DLC1: variants seen among roughly 807,000 people sequenced by gnomAD.
DLC1 encodes DLC1 Rho GTPase activating protein.
Under a neutral mutation model 140.3 loss-of-function variants are expected in DLC1, and 54 were observed. That is an observed-to-expected ratio of 0.38 (90% CI 0.31 to 0.48). DLC1 has a LOEUF of 0.48. Among genes scored for constraint, DLC1 ranks in the 20% least tolerant of loss-of-function variants. The probability of loss-of-function intolerance (pLI) is 0.96; values close to 1 mark genes in which losing one functional copy is unlikely to be tolerated. For synonymous variants in DLC1, 986 were observed against 728.1 expected (o/e 1.35, Z -5.70); for missense variants, 2,536 against 1,907.0 (o/e 1.33, Z -6.14).
intron 2 of DLC1, among the ~76,000 whole-genome samples, chr8:13,485,190 T>C (rs1365284998): frequency 1.3e-5 from 2 of 152,218 alleles, no homozygotes; most frequent in African/African-American, 4.8e-5. Context: ...ACACTTCTAC[T>C]ATTTTCTCCT....
intron 5 of DLC1, among the ~76,000 whole-genome samples, chr8:13,218,029 C>G (rs1828293136): frequency 6.6e-6 from 1 of 152,054 alleles, no homozygotes; most frequent in African/African-American, 2.4e-5. Flanking sequence ...ATGGAGTCCT[C>G]TCTACTTGTA....
chr8:13,586,754 A>G (rs142185202), intron 1 of DLC1, among the ~76,000 whole-genome samples: 83 of 152,218 alleles, frequency 5.5e-4, no homozygotes, highest in African/African-American at 1.8e-3. Context: ...GTTGACATCA[A>G]TCCAGTCAAA....
intron 4 of DLC1, among the ~76,000 whole-genome samples, chr8:13,343,677 G>T (rs935089667): frequency 6.6e-6 from 1 of 152,134 alleles, no homozygotes. Flanking sequence ...GAGGAATGTG[G>T]ATTTAAGTCA....
At chr8:13,567,081 T>A in intron 1 of DLC1, 2 of 1,551,756 alleles carry the variant, frequency 1.3e-6, no homozygotes, top group Non-Finnish European at 1.7e-6. Flanking sequence ...ACTCTACTGA[T>A]GAGGTACAGA....
intron 5 of DLC1, among the ~76,000 whole-genome samples, chr8:13,135,895 T>C (rs1012871581): frequency 6.6e-6 from 1 of 152,242 alleles, no homozygotes; most frequent in African/African-American, 2.4e-5. Context: ...GATTATGTTA[T>C]GTAGTTTGCT....
At chr8:13,251,387 C>T (rs939839451) in intron 5 of DLC1, among the ~76,000 whole-genome samples, 8 of 151,992 alleles carry the variant, frequency 5.3e-5, no homozygotes, top group East Asian at 3.9e-4. Flanking sequence ...TTGGCAATTT[C>T]GTACTGGATT....
intron 1 of DLC1, among the ~76,000 whole-genome samples, chr8:13,568,499 AT>A (rs1295628882): frequency 7.2e-5 from 11 of 152,294 alleles, no homozygotes; most frequent in African/African-American, 2.6e-4. Context: ...GAGGTGCAAA[AT>A]AAATTGGGGT....
At chr8:13,601,527 A>G (rs925006713) in intron 1 of DLC1, among the ~76,000 whole-genome samples, 1 of 151,812 alleles carries the variant, frequency 6.6e-6, no homozygotes, top group Non-Finnish European at 1.5e-5. Flanking sequence ...CTATCATAAC[A>G]CTACTATTCA....
intron 1 of DLC1, among the ~76,000 whole-genome samples, chr8:13,585,479 A>G (rs147621246): frequency 2.6e-4 from 40 of 152,336 alleles, no homozygotes; most frequent in Non-Finnish European, 4.4e-4. Flanking sequence ...TAGCAGCCCT[A>G]TAAGCTTAAG....
chr8:13,541,846 G>A (rs1803496801), intron 1 of DLC1, among the ~76,000 whole-genome samples: 1 of 152,184 alleles, frequency 6.6e-6, no homozygotes. Flanking sequence ...ACCTCACCCA[G>A]CTGATTTATT....
At chr8:13,298,512 T>C (rs978883085) in intron 5 of DLC1, among the ~76,000 whole-genome samples, 5 of 152,216 alleles carry the variant, frequency 3.3e-5, no homozygotes, top group African/African-American at 1.2e-4. Flanking sequence ...TATATTTTAA[T>C]AGCTATTTTA....
At chr8:13,467,837 T>C (rs1014464900) in intron 2 of DLC1, among the ~76,000 whole-genome samples, 44 of 152,366 alleles carry the variant, frequency 2.9e-4, no homozygotes, top group African/African-American at 1.0e-3. Flanking sequence ...ATAAGTATTA[T>C]ACAAATTTTA....
intron 5 of DLC1, among the ~76,000 whole-genome samples, chr8:13,125,566 G>A (rs1018810245): frequency 6.6e-6 from 1 of 152,128 alleles, no homozygotes; most frequent in Non-Finnish European, 1.5e-5. Flanking sequence ...TGAGGAAGCT[G>A]GTACAGAATT....
At chr8:13,106,370 C>CT (rs1267279182) in intron 7 of DLC1, among the ~76,000 whole-genome samples, 1 of 152,128 alleles carries the variant, frequency 6.6e-6, no homozygotes, top group African/African-American at 2.4e-5. Flanking sequence ...CTTTTCTTTT[C>CT]TTTTTGAGAC....
intron 2 of DLC1, among the ~76,000 whole-genome samples, chr8:13,453,401 TG>T (rs1799167277): frequency 7.0e-5 from 2 of 28,430 alleles, no homozygotes; most frequent in African/African-American, 3.4e-4. Context: ...TATATATATA[TG>T]TGTATATATA....
At chr8:13,479,273 G>A (rs1355527668) in intron 2 of DLC1, among the ~76,000 whole-genome samples, 5 of 152,158 alleles carry the variant, frequency 3.3e-5, no homozygotes, top group African/African-American at 9.7e-5. Context: ...ATGTTTCAAA[G>A]GACAGTGAAT....
At chr8:13,562,719 C>G (rs1426084437) in intron 1 of DLC1, among the ~76,000 whole-genome samples, 2 of 152,080 alleles carry the variant, frequency 1.3e-5, no homozygotes, top group African/African-American at 4.8e-5. Flanking sequence ...TCCTAAAATT[C>G]ATCTTGAAAA....
intron 5 of DLC1, among the ~76,000 whole-genome samples, chr8:13,140,852 T>G (rs1318395172): frequency 6.6e-6 from 1 of 152,186 alleles, no homozygotes; most frequent in Non-Finnish European, 1.5e-5. Flanking sequence ...TTTGGCTTTA[T>G]TTTTAGTTAT....
chr8:13,410,302 T>C (rs1168655084), intron 2 of DLC1, among the ~76,000 whole-genome samples: 2 of 152,142 alleles, frequency 1.3e-5, no homozygotes, highest in African/African-American at 4.8e-5. Context: ...ACTGGAAATA[T>C]TTCTATAAAA....
Sources: allele counts gnomAD v4.1 joint callset (sites outside exome capture counted in the v4.1 genomes callset), GRCh38; gene constraint gnomAD v4.1.1; transcripts MANE v1.5; gene names NCBI Gene and HGNC (gene_info 2026-07-23, HGNC 2026-07-21).